Variants in HIVEP3 observed in about 807,000 individuals in gnomAD.
HIVEP3 encodes HIVEP zinc finger 3, also known as transcription factor HIVEP3.
HIVEP3 carries 49 observed loss-of-function variants against 152.8 expected under a neutral mutation model. The observed-to-expected ratio is 0.32, with a 90% CI of 0.26 to 0.41. HIVEP3 has a LOEUF of 0.41. Ranked by LOEUF, HIVEP3 falls within the 10% of genes least tolerant of loss-of-function variation. HIVEP3 has a pLI of 1.00. For synonymous variants in HIVEP3, 1,269 were observed against 1,289.0 expected, an observed-to-expected ratio of 0.98 and a Z score of 0.33; for missense variants, 2,790 against 3,103.3, an observed-to-expected ratio of 0.90 and a Z score of 2.40.
At chr1:41,721,396 G>T (rs1424036357) in intron 1 of HIVEP3, among the ~76,000 whole-genome samples, 1 of 152,074 alleles carries the variant, frequency 6.6e-6, no homozygotes, top group Admixed American at 6.5e-5. Flanking sequence ...AGTGGAGACG[G>T]GATTTCATCA....
chr1:42,002,216 A>T (rs1263409586), intron 1 of HIVEP3, among the ~76,000 whole-genome samples: 1 of 152,042 alleles, frequency 6.6e-6, no homozygotes, highest in Non-Finnish European at 1.5e-5. Context: ...GGACCAAATT[A>T]CCTCCTCCTC....
chr1:41,681,459 G>C (rs1378778882), intron 2 of HIVEP3, among the ~76,000 whole-genome samples: 1 of 152,186 alleles, frequency 6.6e-6, no homozygotes, highest in African/African-American at 2.4e-5. Flanking sequence ...ACTCACAGTT[G>C]AACTAAAATG....
chr1:41,548,382 T>A (rs929045103), intron 5 of HIVEP3, among the ~76,000 whole-genome samples: 2 of 152,214 alleles, frequency 1.3e-5, no homozygotes, highest in African/African-American at 4.8e-5. Context: ...CCTGCCTTCA[T>A]CCTGTCCTGC....
intron 1 of HIVEP3, among the ~76,000 whole-genome samples, chr1:41,945,059 G>A (rs1645067621): frequency 6.6e-6 from 1 of 152,130 alleles, no homozygotes; most frequent in South Asian, 2.1e-4. Flanking sequence ...TAGAAAAGAA[G>A]GTAAATGGAG....
At chr1:41,686,349 C>T (rs1481679269) in intron 2 of HIVEP3, among the ~76,000 whole-genome samples, 1 of 152,154 alleles carries the variant, frequency 6.6e-6, no homozygotes, top group Non-Finnish European at 1.5e-5. Flanking sequence ...GCTGGGATTA[C>T]AGGCATGAGC....
At chr1:41,899,065 GGAAA>G (rs1644578512) in intron 1 of HIVEP3, among the ~76,000 whole-genome samples, 1 of 152,146 alleles carries the variant, frequency 6.6e-6, no homozygotes, top group African/African-American at 2.4e-5. Context: ...GCATCAATGA[GGAAA>G]GAAAACAAAA....
At chr1:42,012,578 T>C (rs551472230) in intron 1 of HIVEP3, among the ~76,000 whole-genome samples, 1 of 152,274 alleles carries the variant, frequency 6.6e-6, no homozygotes, top group Non-Finnish European at 1.5e-5. Flanking sequence ...TAATCTCAGC[T>C]ACTTGGAAGG....
At chr1:41,936,238 T>C (rs1184696923) in intron 1 of HIVEP3, among the ~76,000 whole-genome samples, 2 of 152,312 alleles carry the variant, frequency 1.3e-5, no homozygotes, top group Non-Finnish European at 2.9e-5. Flanking sequence ...CAAGTCAAGA[T>C]GCACACAGAA....
intron 2 of HIVEP3, among the ~76,000 whole-genome samples, chr1:41,655,025 C>T (rs1166757396): frequency 1.3e-5 from 2 of 152,126 alleles, no homozygotes; most frequent in Non-Finnish European, 1.5e-5. Flanking sequence ...AAGCCCTGTC[C>T]CATGCAGCTA....
At chr1:41,600,067 T>G (rs1467553716) in intron 3 of HIVEP3, among the ~76,000 whole-genome samples, 1 of 152,136 alleles carries the variant, frequency 6.6e-6, no homozygotes, top group African/African-American at 2.4e-5. Context: ...GAAAAAGAAG[T>G]ATTTGCAAGG....
intron 1 of HIVEP3, among the ~76,000 whole-genome samples, chr1:41,994,799 T>C (rs1645385879): frequency 6.6e-6 from 1 of 152,136 alleles, no homozygotes. Context: ...ATCATGTTAC[T>C]ATGTTCAAAT....
intron 1 of HIVEP3, among the ~76,000 whole-genome samples, chr1:41,987,786 C>T (rs59805540): frequency 0.013 from 1,925 of 152,308 alleles, 32 homozygotes; most frequent in African/African-American, 0.043. Flanking sequence ...TTAATTGACT[C>T]AGTTCTGCAT....
At chr1:41,850,356 T>G (rs917718107) in intron 1 of HIVEP3, among the ~76,000 whole-genome samples, 6 of 152,214 alleles carry the variant, frequency 3.9e-5, no homozygotes. Context: ...TTACAAAATG[T>G]TTTTATTTTA....
chr1:41,586,806 C>T (rs1644512680), intron 3 of HIVEP3, among the ~76,000 whole-genome samples: 1 of 152,062 alleles, frequency 6.6e-6, no homozygotes, highest in Non-Finnish European at 1.5e-5. Flanking sequence ...CTTTTGTGTG[C>T]CTTTTCTACT....
intron 1 of HIVEP3, among the ~76,000 whole-genome samples, chr1:41,705,877 T>C (rs1313280178): frequency 6.6e-6 from 1 of 152,212 alleles, no homozygotes; most frequent in Non-Finnish European, 1.5e-5. Flanking sequence ...ATCTAAGTGC[T>C]AACACAGGGA....
chr1:41,760,466 T>C (rs1647597400), intron 1 of HIVEP3, among the ~76,000 whole-genome samples: 1 of 152,210 alleles, frequency 6.6e-6, no homozygotes, highest in African/African-American at 2.4e-5. Context: ...ACCCCTTGGT[T>C]AATCCCTCTT....
chr1:41,896,865 C>T (rs1352791244), intron 1 of HIVEP3, among the ~76,000 whole-genome samples: 2 of 152,122 alleles, frequency 1.3e-5, no homozygotes, highest in East Asian at 1.9e-4. Context: ...TGAGCCACTG[C>T]GCCTGGCCAA....
At chr1:41,877,768 G>A (rs148707758) in intron 1 of HIVEP3, among the ~76,000 whole-genome samples, 1 of 152,230 alleles carries the variant, frequency 6.6e-6, no homozygotes, top group African/African-American at 2.4e-5. Context: ...TGGGGAAATG[G>A]GTGGGATTCA....
chr1:41,665,735 C>CACACACACACACACACACACAA (rs1645786578), intron 2 of HIVEP3, among the ~76,000 whole-genome samples: 1 of 151,712 alleles, frequency 6.6e-6, no homozygotes, highest in Non-Finnish European at 1.5e-5. Flanking sequence ...CACACACACA[C>CACACACACACACACACACACAA]ACACAGTCTG....
Sources: allele counts gnomAD v4.1 joint callset (sites outside exome capture counted in the v4.1 genomes callset), GRCh38; gene constraint gnomAD v4.1.1; transcripts MANE v1.5; gene names NCBI Gene and HGNC (gene_info 2026-07-23, HGNC 2026-07-21).